C2CD5: variants seen among roughly 807,000 people sequenced by gnomAD.
C2CD5 encodes the protein C2 domain-containing protein 5.
A neutral mutation model predicts 130.3 loss-of-function variants in C2CD5; 109 were observed. The ratio of observed to expected loss-of-function variants is 0.84; its 90% CI spans 0.72 to 0.98. The LOEUF is 0.98. Ranked by LOEUF, C2CD5 falls within the 50% of genes least tolerant of loss-of-function variation. The probability of loss-of-function intolerance (pLI) is 0.00; values close to 1 mark genes in which losing one functional copy is unlikely to be tolerated. For synonymous variants in C2CD5, 454 were observed against 429.2 expected (o/e 1.06, Z -0.71); for missense variants, 996 against 1,261.8 (o/e 0.79, Z 3.19).
intron 7 of C2CD5, among the ~76,000 whole-genome samples, chr12:22,519,668 A>C (rs1950093527): frequency 6.6e-6 from 1 of 152,132 alleles, no homozygotes; most frequent in Non-Finnish European, 1.5e-5. Flanking sequence ...TGAAACTGAG[A>C]TATGAATTGC....
chr12:22,544,249 T>A (rs907687788), intron 1 of C2CD5, 70 bp from the exon 2 acceptor site: 1 of 1,227,916 alleles, frequency 8.1e-7, no homozygotes, highest in Non-Finnish European at 1.1e-6. Context: ...GCGCGCGGGG[T>A]AACTGACAGC....
At chr12:22,468,332 C>T (rs943989271) in intron 22 of C2CD5, among the ~76,000 whole-genome samples, 1 of 152,138 alleles carries the variant, frequency 6.6e-6, no homozygotes, top group African/African-American at 2.4e-5. Flanking sequence ...AATCCTCCCA[C>T]CTCAGCCTCC....
Position 22,482,604 on chromosome 12 carries a change from G to A in C2CD5, c.1690C>T (p.Leu564=), listed in dbSNP as rs1346768028. 6.8e-6 allele frequency: 11 copies of A among 1,613,736 alleles called. No individual in the cohort carries two copies. The highest frequency in any genetic ancestry group is 8.5e-6 in the Non-Finnish European group (10 of 1,179,782). Residue 564 remains leucine (L), a synonymous_variant, in exon 14 of 27, where the codon CTA becomes TTA. Coordinates refer to ENST00000446597, the MANE Select transcript of C2CD5 (RefSeq NM_001286176.2). ...TCACCCACTGTGATCTGAATTCTTA[G>A]TCCAAACAAAGCATTCATTCCTTTG... is the stretch of plus-strand genomic sequence containing the variant. ...KLKGMNALFG[L]RIQITVGENM...
At chr12:22,488,195 TA>T (rs547487468) in intron 12 of C2CD5, among the ~76,000 whole-genome samples, 5 of 150,054 alleles carry the variant, frequency 3.3e-5, no homozygotes, top group South Asian at 4.2e-4. Flanking sequence ...AAAGTATAAT[TA>T]AAAAAAAACA....
At chr12:22,486,092 G>A (rs1383819557) in intron 12 of C2CD5, among the ~76,000 whole-genome samples, 2 of 151,586 alleles carry the variant, frequency 1.3e-5, no homozygotes, top group Non-Finnish European at 1.5e-5. Context: ...ATTTCTCTAT[G>A]GGATGGGTTA....
intron 22 of C2CD5, among the ~76,000 whole-genome samples, chr12:22,460,258 AT>A (rs1312755353): frequency 6.6e-6 from 1 of 152,136 alleles, no homozygotes; most frequent in Admixed American, 6.5e-5. Flanking sequence ...TTCATAACCT[AT>A]TTTTAATGCT....
At chr12:22,475,929 T>C (rs954299318) in intron 15 of C2CD5, among the ~76,000 whole-genome samples, 1 of 152,136 alleles carries the variant, frequency 6.6e-6, no homozygotes, top group African/African-American at 2.4e-5. Flanking sequence ...TGACACACAG[T>C]GCAACGTTAT....
At chr12:22,532,636 T>C (rs1215529568) in intron 3 of C2CD5, among the ~76,000 whole-genome samples, 3 of 152,196 alleles carry the variant, frequency 2.0e-5, no homozygotes, top group Non-Finnish European at 4.4e-5. Flanking sequence ...ACGGTCCTAA[T>C]ATAAACCATA....
intron 3 of C2CD5, 89 bp downstream of exon 3, chr12:22,535,169 T>C: frequency 1.4e-6 from 1 of 740,084 alleles, no homozygotes; most frequent in Non-Finnish European, 2.4e-6. Context: ...AATACTACTA[T>C]GCCTGAAATA....
intron 19 of C2CD5, 69 bp from the exon 20 acceptor site, chr12:22,471,557 TG>T: frequency 1.2e-6 from 1 of 855,004 alleles, no homozygotes; most frequent in South Asian, 1.9e-5. Context: ...ATTTTTTTAA[TG>T]TACATTATAT....
intron 12 of C2CD5, among the ~76,000 whole-genome samples, chr12:22,485,848 G>A (rs999128865): frequency 2.6e-5 from 4 of 151,916 alleles, no homozygotes; most frequent in African/African-American, 7.3e-5. Flanking sequence ...TGTACACAGG[G>A]ATTATCCCTG....
intron 21 of C2CD5, 82 bp from the exon 22 acceptor site, chr12:22,469,877 T>C (rs936122603): frequency 1.3e-6 from 1 of 754,238 alleles, no homozygotes; most frequent in Non-Finnish European, 2.0e-6. Flanking sequence ...ACAACATACA[T>C]ATACATATTC....
intron 6 of C2CD5, 60 bp downstream of exon 6, chr12:22,524,412 A>G: frequency 6.8e-7 from 1 of 1,477,998 alleles, no homozygotes; most frequent in Non-Finnish European, 9.3e-7. Flanking sequence ...TGTCAAAGGA[A>G]AGCAAAAAAT....
intron 2 of C2CD5, among the ~76,000 whole-genome samples, chr12:22,536,505 G>A (rs1026084088): frequency 2.6e-5 from 4 of 152,100 alleles, no homozygotes; most frequent in Non-Finnish European, 4.4e-5. Context: ...CATTCAGCAG[G>A]AAAGTGACTG....
intron 10 of C2CD5, among the ~76,000 whole-genome samples, chr12:22,500,263 A>G (rs1947591485): frequency 6.6e-6 from 1 of 152,090 alleles, no homozygotes; most frequent in South Asian, 2.1e-4. Context: ...AAAAAAAAAA[A>G]AGCTAAACTA....
intron 6 of C2CD5, 70 bp from the exon 7 acceptor site, chr12:22,523,694 A>G: frequency 3.1e-6 from 3 of 961,484 alleles, no homozygotes; most frequent in Non-Finnish European, 4.6e-6. Context: ...TGGACATGGT[A>G]GTGGTAAAAA....
chr12:22,449,829 T>G lies in C2CD5; in HGVS notation c.3087A>C (p.Glu1029Asp). The change falls in exon 27 of 27, where the codon GAA becomes GAC. Residue 1029 changes from glutamate to aspartate, a missense_variant. Around this residue, in one of 9 missense-constraint regions of C2CD5, gnomAD observed 48 missense variants for 46.4 expected, o/e 1.03. Transcript: ENST00000446597. ...TAGTAGGTTGCTGAGATGACACCACTTCTAAGTCAGATTCACGAACAAAAA... is the reference window on the plus strand; with the variant it reads ...TAGTAGGTTGCTGAGATGACACCACGTCTAAGTCAGATTCACGAACAAAAA... ...AVVFVRESDL[E>D]VVSSQQPTTN... The G allele has an allele frequency of 1.2e-6, 2 of 1,611,628 alleles. No homozygotes were observed. The highest frequency in any genetic ancestry group is 1.7e-6 in the Non-Finnish European group (2 of 1,178,042).
chr12:22,469,143 T>C (rs1008912811), intron 22 of C2CD5, among the ~76,000 whole-genome samples: 4 of 152,162 alleles, frequency 2.6e-5, no homozygotes, highest in African/African-American at 9.7e-5. Context: ...GATTTATTGC[T>C]ATTAAATTAA....
In C2CD5 at chr12:22,471,422, G is replaced by A. The variant is rs752976376; in HGVS notation, c.2335C>T (p.Leu779=). ...ACCTGAATTAATTCATCTTCAGGCA[G>A]AGATACTGTAAAATTTACATGGCAA... ...CLCHVNFTVS[L]PEDELIQVTV... The change falls in exon 20 of 27, where the codon CTG becomes TTG. Residue 779 remains leucine (L), a synonymous_variant. Transcript: ENST00000446597. 8.9e-6 allele frequency: 14 copies of A among 1,578,440 alleles called. No homozygotes were observed. Among genetic ancestry groups the A allele is most frequent in the Non-Finnish European group, 1.2e-5 (14 of 1,148,624 alleles).
Sources: gnomAD v4.1 joint callset for allele counts (sites outside exome capture counted in the v4.1 genomes callset) on GRCh38, gnomAD v4.1.1 for gene constraint, gnomAD v4.1.1 regional missense constraint, MANE v1.5 for transcripts, NCBI Gene and HGNC (gene_info 2026-07-23, HGNC 2026-07-21) for gene names.